The following PCDH11Y variants were observed in gnomAD, a reference collection of about 807,000 sequenced individuals.
PCDH11Y encodes the protein protocadherin-11 Y-linked.
For missense variants in PCDH11Y, 12 were observed against 224.8 expected (o/e 0.05, Z 6.05); for synonymous variants, 9 against 83.6 (o/e 0.11, Z 4.87).
intron 2 of PCDH11Y, among the ~76,000 whole-genome samples, chrY:5,110,671 T>C: frequency 3.1e-5 from 1 of 31,982 alleles, no homozygotes; most frequent in Non-Finnish European, 7.6e-5. Flanking sequence ...TTACTTATTA[T>C]ATATCAGTTC....
At chrY:5,012,576 C>A (rs2052552083) in intron 1 of PCDH11Y, among the ~76,000 whole-genome samples, 2 of 31,023 alleles carry the variant, frequency 6.4e-5, no homozygotes, top group African/African-American at 1.3e-4. Flanking sequence ...TGGGTAGGGA[C>A]CCGAATCCAA....
At chrY:5,028,105 C>G in intron 1 of PCDH11Y, among the ~76,000 whole-genome samples, 3 of 33,523 alleles carry the variant, frequency 8.9e-5, no homozygotes, top group Non-Finnish European at 1.5e-4. Context: ...GGAGGGATAA[C>G]AGGCAAACTG....
At chrY:5,366,918 A>G in intron 2 of PCDH11Y, among the ~76,000 whole-genome samples, 1 of 31,492 alleles carries the variant, frequency 3.2e-5, no homozygotes, top group Non-Finnish European at 7.7e-5. Context: ...CAGTTGGTCC[A>G]TGCATGTGCG....
At chrY:5,410,037 T>TTGTG (rs747569793) in intron 2 of PCDH11Y, among the ~76,000 whole-genome samples, 11 of 28,657 alleles carry the variant, frequency 3.8e-4, no homozygotes, top group African/African-American at 7.7e-4. Flanking sequence ...ACAGGTGTGT[T>TTGTG]TGTGTGTGTG....
intron 1 of PCDH11Y, among the ~76,000 whole-genome samples, chrY:5,097,670 G>C (rs2052755510): frequency 3.1e-5 from 1 of 32,154 alleles, no homozygotes; most frequent in African/African-American, 1.2e-4. Flanking sequence ...AGGTGGTGAG[G>C]GATAAAAAAC....
At chrY:5,191,482 T>A (rs2124648367) in intron 2 of PCDH11Y, among the ~76,000 whole-genome samples, 1 of 32,828 alleles carries the variant, frequency 3.0e-5, no homozygotes. Flanking sequence ...TAAATTTTAC[T>A]TTAAGTTCCA....
chrY:5,352,958 T>TA (rs1379847541), intron 2 of PCDH11Y, among the ~76,000 whole-genome samples: 7 of 27,338 alleles, frequency 2.6e-4, no homozygotes, highest in African/African-American at 8.3e-4. Context: ...CACAAATAAC[T>TA]AAAAAAAAAA....
At chrY:5,287,916 A>T in intron 2 of PCDH11Y, among the ~76,000 whole-genome samples, 1 of 32,676 alleles carries the variant, frequency 3.1e-5, no homozygotes, top group Non-Finnish European at 7.5e-5. Context: ...AAGTGTTAAA[A>T]AAAAAAAAAG....
At chrY:5,502,775 G>A (rs2124688238) in intron 3 of PCDH11Y, among the ~76,000 whole-genome samples, 1 of 33,089 alleles carries the variant, frequency 3.0e-5, no homozygotes, top group Non-Finnish European at 7.6e-5. Context: ...AATGGGATAA[G>A]TATCATTTTT....
At chrY:5,551,729 G>A in intron 3 of PCDH11Y, among the ~76,000 whole-genome samples, 1 of 32,258 alleles carries the variant, frequency 3.1e-5, no homozygotes, top group African/African-American at 1.2e-4. Flanking sequence ...CAGGTCATAA[G>A]ACACTCAATA....
At chrY:5,374,409 CTA>C (rs1260661663) in intron 2 of PCDH11Y, among the ~76,000 whole-genome samples, 3 of 26,884 alleles carry the variant, frequency 1.1e-4, no homozygotes, top group South Asian at 1.8e-3. Flanking sequence ...CACTCTCTCT[CTA>C]TGTGTGTGTG....
At chrY:5,402,825 G>A in intron 2 of PCDH11Y, among the ~76,000 whole-genome samples, 1 of 30,544 alleles carries the variant, frequency 3.3e-5, no homozygotes, top group South Asian at 7.7e-4. Flanking sequence ...TACTTCTAAG[G>A]CTGTATCAAT....
At chrY:5,587,602 C>T (rs2124698058) in intron 4 of PCDH11Y, among the ~76,000 whole-genome samples, 1 of 32,354 alleles carries the variant, frequency 3.1e-5, no homozygotes, top group African/African-American at 1.2e-4. Context: ...CTATATATAT[C>T]TGAGTGCTGT....
At chrY:5,495,787 G>A (rs2053343752) in intron 2 of PCDH11Y, among the ~76,000 whole-genome samples, 2 of 33,416 alleles carry the variant, frequency 6.0e-5, no homozygotes, top group East Asian at 7.9e-4. Context: ...TAACCTGTCC[G>A]AAATGCCACT....
intron 2 of PCDH11Y, among the ~76,000 whole-genome samples, chrY:5,354,404 G>GAC (rs2053163313): frequency 6.1e-5 from 2 of 32,596 alleles, no homozygotes; most frequent in South Asian, 1.4e-3. Context: ...CTCCATGGGA[G>GAC]ACAGAAAGGT....
intron 4 of PCDH11Y, among the ~76,000 whole-genome samples, chrY:5,672,782 C>CT (rs2053550750): frequency 3.2e-5 from 1 of 31,285 alleles, no homozygotes; most frequent in Admixed American, 3.0e-4. Context: ...CTATTCTAAT[C>CT]TTTTTTTTCT....
chrY:5,328,258 G>T, intron 2 of PCDH11Y, among the ~76,000 whole-genome samples: 1 of 34,024 alleles, frequency 2.9e-5, no homozygotes, highest in South Asian at 6.6e-4. Flanking sequence ...GTTCCTGGGG[G>T]AGGAGGTTCT....
At chrY:5,637,914 C>T in intron 4 of PCDH11Y, among the ~76,000 whole-genome samples, 1 of 14,966 alleles carries the variant, frequency 6.7e-5, no homozygotes, top group South Asian at 1.9e-3. Flanking sequence ...CTATGGCTTA[C>T]CAATAAATTT....
At chrY:5,165,683 A>G in intron 2 of PCDH11Y, among the ~76,000 whole-genome samples, 5 of 33,053 alleles carry the variant, frequency 1.5e-4, no homozygotes, top group Non-Finnish European at 1.5e-4. Context: ...CAAAGGAATC[A>G]CACACAAAAA....
Sources: allele counts gnomAD v4.1 joint callset (sites outside exome capture counted in the v4.1 genomes callset), GRCh38; gene constraint gnomAD v4.1.1; transcripts MANE v1.5; gene names NCBI Gene and HGNC (gene_info 2026-07-23, HGNC 2026-07-21).